The following GABBR2 variants were observed in gnomAD, a reference collection of about 807,000 sequenced individuals.
GABBR2 encodes the protein G-protein coupled receptor 51.
In GABBR2, 23 loss-of-function variants were observed where a neutral mutation model predicts 105.6. The observed-to-expected ratio is 0.22, with a 90% CI of 0.16 to 0.31. The LOEUF is 0.31. GABBR2 is among the 10% of genes least tolerant of loss of function. The probability of loss-of-function intolerance (pLI) is 1.00; values close to 1 mark genes in which losing one functional copy is unlikely to be tolerated. For missense variants in GABBR2, 734 were observed against 1,245.5 expected (o/e 0.59, Z 6.18); for synonymous variants, 478 against 499.7 (o/e 0.96, Z 0.58).
intron 1 of GABBR2, among the ~76,000 whole-genome samples, chr9:98,614,730 T>C (rs1035273827): frequency 4.7e-5 from 7 of 148,432 alleles, no homozygotes. Flanking sequence ...GTTGTTTCTG[T>C]GGAGGGAAGA....
At chr9:98,658,720 A>T (rs988361063) in intron 1 of GABBR2, among the ~76,000 whole-genome samples, 1 of 152,170 alleles carries the variant, frequency 6.6e-6, no homozygotes, top group Non-Finnish European at 1.5e-5. Flanking sequence ...ATGCAGAAGG[A>T]AAAAAGCCCT....
intron 13 of GABBR2, among the ~76,000 whole-genome samples, chr9:98,345,030 C>T (rs143753878): frequency 3.3e-5 from 5 of 152,190 alleles, no homozygotes; most frequent in African/African-American, 4.8e-5. Context: ...TCCCCAAGCA[C>T]CCCAGGCAGA....
intron 17 of GABBR2, 141 bp downstream of exon 17, chr9:98,299,083 T>A (rs1346328421): frequency 5.5e-6 from 4 of 731,568 alleles, no homozygotes; most frequent in Non-Finnish European, 9.4e-6. Context: ...AGGTTCCAGA[T>A]GCTCCAGCTC....
intron 13 of GABBR2, among the ~76,000 whole-genome samples, chr9:98,336,629 C>T (rs1831121002): frequency 6.6e-6 from 1 of 151,948 alleles, no homozygotes; most frequent in Admixed American, 6.6e-5. Context: ...CGCTTGAACC[C>T]AGGAGGCAGA....
At chr9:98,432,279 G>A (rs745339599) in intron 7 of GABBR2, among the ~76,000 whole-genome samples, 1 of 152,336 alleles carries the variant, frequency 6.6e-6, no homozygotes, top group Non-Finnish European at 1.5e-5. Flanking sequence ...GAGCCAGAAT[G>A]AATGAGCGGC....
At chr9:98,383,704 G>A (rs562068052) in intron 11 of GABBR2, among the ~76,000 whole-genome samples, 17 of 152,184 alleles carry the variant, frequency 1.1e-4, no homozygotes, top group Non-Finnish European at 2.1e-4. Flanking sequence ...TGAAGTTACT[G>A]GTAACAGGAA....
At chr9:98,427,037 A>G (rs1339190798) in intron 7 of GABBR2, among the ~76,000 whole-genome samples, 1 of 152,194 alleles carries the variant, frequency 6.6e-6, no homozygotes, top group Non-Finnish European at 1.5e-5. Flanking sequence ...GGTGTTAGCA[A>G]AAAAGGAAAG....
At chr9:98,623,286 G>A (rs563631042) in intron 1 of GABBR2, among the ~76,000 whole-genome samples, 5 of 152,228 alleles carry the variant, frequency 3.3e-5, no homozygotes, top group South Asian at 4.2e-4. Flanking sequence ...TTAGCTGGGG[G>A]TGGTGGCCCA....
chr9:98,393,823 T>C, intron 9 of GABBR2, among the ~76,000 whole-genome samples: 1 of 152,210 alleles, frequency 6.6e-6, no homozygotes, highest in East Asian at 1.9e-4. Context: ...AATAATCTTC[T>C]AGGAAGAGCA....
chr9:98,423,056 G>A (rs1392217469), intron 7 of GABBR2, among the ~76,000 whole-genome samples: 2 of 152,108 alleles, frequency 1.3e-5, no homozygotes, highest in African/African-American at 2.4e-5. Context: ...ATTGTGAATA[G>A]TGCCACAATA....
Position 98,346,433 on chromosome 9 carries a change from CTTTTA to C in GABBR2, c.1893+16277_1893+16281del, listed in dbSNP as rs369566388. Among the ~76,000 whole-genome samples, 136 of 152,122 alleles carry C rather than the reference CTTTTA, an allele frequency of 8.9e-4. 1 individual carries two copies. The highest frequency in any genetic ancestry group is 3.2e-3 in the African/African-American group (132 of 41,494). On this transcript the variant is annotated intron_variant, in intron 13 of 18. Transcript: ENST00000259455. ...CCTCACTCATGAAAGTTATTTTTTC[CTTTTA>C]TTTTTAGTTGACATGTAATAATTGT...
chr9:98,520,459 T>C (rs1188543990), intron 3 of GABBR2, among the ~76,000 whole-genome samples: 1 of 150,422 alleles, frequency 6.6e-6, no homozygotes, highest in Non-Finnish European at 1.5e-5. Flanking sequence ...CCACGGAGGG[T>C]AGGGAGGCAG....
chr9:98,619,076 T>C (rs1469619000), intron 1 of GABBR2, among the ~76,000 whole-genome samples: 2 of 152,196 alleles, frequency 1.3e-5, no homozygotes, highest in African/African-American at 4.8e-5. Flanking sequence ...AGCATACATA[T>C]ATTAAGTTTA....
At chr9:98,294,876 A>G (rs1194750559) in intron 17 of GABBR2, among the ~76,000 whole-genome samples, 1 of 152,220 alleles carries the variant, frequency 6.6e-6, no homozygotes, top group East Asian at 1.9e-4. Flanking sequence ...CATTCAAAAT[A>G]ATATTGTGTA....
Position 98,290,343 on chromosome 9 carries a change from C to T in GABBR2, c.*241G>A, listed in dbSNP as rs1171362249. 4.7e-5 allele frequency: 9 copies of T among 189,490 alleles called. No individual in the cohort carries two copies. Among genetic ancestry groups the T allele is most frequent in the Middle Eastern group, 1.9e-3 (1 of 538 alleles). The allele number at this position is 189,490 out of a possible 1,614,324, so 11.7% of individuals were successfully genotyped here. A position where few individuals can be genotyped will look rare whatever the true frequency, so the allele number is the denominator to read the frequency against. On this transcript the variant is annotated 3_prime_UTR_variant, in exon 19 of 19. Coordinates refer to ENST00000259455, the MANE Select transcript of GABBR2 (RefSeq NM_005458.8). ...CCTTGTTTGCAGATGTTAAGGAAGA[C>T]GTCCCATTTCCGTTCCTCTTCTTTG...
At chr9:98,653,267 G>T (rs1830134199) in intron 1 of GABBR2, among the ~76,000 whole-genome samples, 1 of 152,222 alleles carries the variant, frequency 6.6e-6, no homozygotes, top group Non-Finnish European at 1.5e-5. Flanking sequence ...CCAAAGTGCT[G>T]AGATTACAGG....
chr9:98,600,624 G>GTCA (rs1195877315), intron 1 of GABBR2, among the ~76,000 whole-genome samples: 1 of 152,256 alleles, frequency 6.6e-6, no homozygotes, highest in African/African-American at 2.4e-5. Context: ...AACATCAGCT[G>GTCA]TCACCATGAC....
intron 11 of GABBR2, among the ~76,000 whole-genome samples, chr9:98,379,345 T>C (rs1189589389): frequency 6.6e-6 from 1 of 152,232 alleles, no homozygotes; most frequent in East Asian, 1.9e-4. Context: ...CTTGGCTCAC[T>C]GCAACCTCTG....
intron 2 of GABBR2, among the ~76,000 whole-genome samples, chr9:98,572,882 C>T (rs921546323): frequency 3.9e-5 from 6 of 152,214 alleles, no homozygotes; most frequent in Non-Finnish European, 5.9e-5. Flanking sequence ...GCCCCATCCA[C>T]GTCCAGTTGC....
Sources: gnomAD v4.1 joint callset for allele counts (sites outside exome capture counted in the v4.1 genomes callset) on GRCh38, gnomAD v4.1.1 for gene constraint, MANE v1.5 for transcripts, NCBI Gene and HGNC (gene_info 2026-07-23, HGNC 2026-07-21) for gene names.